CAGE1: variants seen among roughly 807,000 people sequenced by gnomAD.
The protein encoded by CAGE1 is cancer antigen 1.
CAGE1 carries 66 observed loss-of-function variants against 94.9 expected under a neutral mutation model. The observed-to-expected ratio is 0.70, with a 90% confidence interval of 0.57 to 0.85. CAGE1 has a LOEUF of 0.85. Ranked by LOEUF, CAGE1 falls within the 40% of genes least tolerant of loss-of-function variation. The pLI, the probability that CAGE1 is intolerant of heterozygous loss-of-function variation, is 0.00. For synonymous variants in CAGE1, 319 were observed against 321.0 expected, an observed-to-expected ratio of 0.99 and a Z score of 0.07; for missense variants, 865 against 950.4, an observed-to-expected ratio of 0.91 and a Z score of 1.18.
At chr6:7,384,362 T>TAA (rs1761042282) in intron 3 of CAGE1, among the ~76,000 whole-genome samples, 1 of 152,260 alleles carries the variant, frequency 6.6e-6, no homozygotes. Context: ...CTGCATGTAT[T>TAA]AAATTCCATA....
intron 11 of CAGE1, among the ~76,000 whole-genome samples, chr6:7,337,025 T>G (rs28770905): frequency 0.011 from 1,724 of 152,204 alleles, 29 homozygotes; most frequent in African/African-American, 0.039. Flanking sequence ...AACAGTGTCT[T>G]CAGAGAGCAG....
chr6:7,339,233 C>A lies in CAGE1; in HGVS notation c.2370-5143G>T. ...CATAGCAGGCCCTCCGCACAGCAAG[C>A]CCTCCTAGGAGTTTGTAAGGCAGAG... is the stretch of plus-strand genomic sequence containing the variant. On this transcript the variant is annotated intron_variant, in intron 11 of 13. Coordinates refer to ENST00000502583, the MANE Select transcript of CAGE1 (RefSeq NM_001170692.2). This position sits in a 1 kb window ranked among gnomAD's most constrained non-coding sequence, Gnocchi z 4.7. 6.3e-7 allele frequency: 1 copy of A among 1,577,946 alleles called. No individual in the cohort carries two copies. Among genetic ancestry groups the A allele is most frequent in the Non-Finnish European group, 8.7e-7 (1 of 1,148,544 alleles).
chr6:7,386,168 T>C lies in CAGE1; in HGVS notation c.196-296A>G, dbSNP rs556428065. ...GGATACGTGATAGCATATTTATGTA[T>C]TGATAATTATTTGATGTTTATTAAA... On this transcript the variant is annotated intron_variant, in intron 2 of 13. Coordinates refer to ENST00000502583, the MANE Select transcript of CAGE1 (RefSeq NM_001170692.2). 6.6e-5 allele frequency among the ~76,000 whole-genome samples: 10 copies of C among 152,116 alleles called. No homozygotes were observed. In the East Asian group the frequency reaches 1.5e-3, roughly 23 times the overall value.
rs577811411 is a variant in CAGE1, at chr6:7,373,915, C to T, written c.904G>A (p.Asp302Asn). Residue 302 changes from aspartate to asparagine, a missense_variant, in exon 5 of 14, where the codon GAC (aspartate) becomes AAC (asparagine). Coordinates refer to ENST00000502583, the MANE Select transcript of CAGE1 (RefSeq NM_001170692.2). ...SAESLQPVQE[D>N]MALNEVLQKL... The stretch of plus-strand genomic sequence containing the variant: ...TGCAAGACTTCATTTAAAGCCATGT[C>T]CTCTTGAACAGGTTGTAAGCTTTCA... The T allele has an allele frequency of 5.6e-6, 9 of 1,613,976 alleles. No homozygotes were observed. In the African/African-American group the frequency reaches 1.1e-4, roughly 19 times the overall value.
intron 11 of CAGE1, among the ~76,000 whole-genome samples, chr6:7,345,088 C>T (rs9767781): frequency 0.048 from 7,295 of 151,932 alleles, 297 homozygotes; most frequent in African/African-American, 0.11. Context: ...TTTCACCCTG[C>T]AGTAAATCTT....
Position 7,347,719 on chromosome 6 carries a change from C to T in CAGE1, c.2369+7322G>A, listed in dbSNP as rs539918320. Among the ~76,000 whole-genome samples the T allele has an allele frequency of 2.0e-3, 305 of 152,224 alleles. 3 individuals carry two copies. The Middle Eastern group carries it at 0.044, about 22-fold the overall frequency. On this transcript the variant is annotated intron_variant, in intron 11 of 13. Coordinates refer to ENST00000502583, the MANE Select transcript of CAGE1 (RefSeq NM_001170692.2). ...TGCTCACCCACTGCCTGGAAACAGA[C>T]TGTAAAAGGGGGCATGGTGAGAGTG...
At chr6:7,327,812 C>G (rs2113330275) in intron 13 of CAGE1, among the ~76,000 whole-genome samples, 1 of 152,112 alleles carries the variant, frequency 6.6e-6, no homozygotes, top group South Asian at 2.1e-4. Flanking sequence ...TGCCTGTAAC[C>G]CCAGCTACTC....
chr6:7,379,001 G>A lies in CAGE1; in HGVS notation c.303C>T (p.Tyr101=). ...CTGGCTGAATTAGTGCATTCGTTGA[G>A]TAATTTTCAATGTTGTTATCTCATA... The part of the protein sequence containing the change: ...NLLNDNNIEN[Y]STNALIQPVD... The change falls in exon 4 of 14, where the codon TAC becomes TAT. Residue 101 remains tyrosine, a synonymous_variant. Transcript: ENST00000502583. 2 of 1,527,586 alleles carry A rather than the reference G, an allele frequency of 1.3e-6. No individual in the cohort carries two copies. Among genetic ancestry groups the A allele is most frequent in the Non-Finnish European group, 8.8e-7 (1 of 1,137,876 alleles). The allele number at this position is 1,527,586 out of a possible 1,614,324, so 94.6% of individuals were successfully genotyped here.
intron 7 of CAGE1, among the ~76,000 whole-genome samples, chr6:7,367,242 A>G (rs963306508): frequency 2.0e-5 from 3 of 150,544 alleles, no homozygotes; most frequent in African/African-American, 4.9e-5. Flanking sequence ...AAAATTAACC[A>G]AAAGAACATA....
chr6:7,375,563 C>T (rs918902046), intron 4 of CAGE1, among the ~76,000 whole-genome samples: 1 of 151,932 alleles, frequency 6.6e-6, no homozygotes, highest in African/African-American at 2.4e-5. Context: ...ACAGTGATAC[C>T]CTATCTCTTC....
rs745419866 is a variant in CAGE1, at chr6:7,370,010, C to T, written c.1802G>A (p.Arg601Lys). The T allele has an allele frequency of 9.9e-6, 16 of 1,613,594 alleles. No individual in the cohort carries two copies. In the Admixed American group the frequency reaches 2.7e-4, roughly 27 times the overall value. The change falls in exon 6 of 14, where the codon AGG becomes AAG. Residue 601 changes from arginine (R) to lysine (K), a missense_variant. By Grantham distance (26) the Arg-to-Lys change is conservative. Transcript: ENST00000502583. Reference protein sequence around the residue: ...LLPDCSPCEERLNPADIKRAS... With the variant: ...LLPDCSPCEEKLNPADIKRAS... Reference sequence around the variant, plus strand: ...TCTTTTTATATCTGCAGGATTCAGCCTCTCTTCACAAGGTGAGCAATCCGG... The same window carrying T: ...TCTTTTTATATCTGCAGGATTCAGCTTCTCTTCACAAGGTGAGCAATCCGG...
intron 11 of CAGE1, among the ~76,000 whole-genome samples, chr6:7,353,858 C>T (rs1220660550): frequency 3.3e-5 from 5 of 151,930 alleles, no homozygotes; most frequent in South Asian, 2.1e-4. Flanking sequence ...AACCAAACAT[C>T]GTATGTTCTC....
At chr6:7,348,920 C>T (rs147471854) in intron 11 of CAGE1, among the ~76,000 whole-genome samples, 42 of 152,210 alleles carry the variant, frequency 2.8e-4, no homozygotes, top group African/African-American at 9.6e-4. Flanking sequence ...ATATGTTAAA[C>T]GACCAAACCT....
At chr6:7,381,683 C>T (rs981008281) in intron 3 of CAGE1, among the ~76,000 whole-genome samples, 2 of 151,642 alleles carry the variant, frequency 1.3e-5, no homozygotes, top group Non-Finnish European at 2.9e-5. Context: ...CGTGCACCAC[C>T]ATGCCCGCCT....
chr6:7,356,483 A>G (rs1233679803), intron 9 of CAGE1, among the ~76,000 whole-genome samples: 1 of 152,230 alleles, frequency 6.6e-6, no homozygotes, highest in Non-Finnish European at 1.5e-5. Flanking sequence ...TATGAAGTAA[A>G]GCACTGATTT....
At chr6:7,345,696 G>A (rs746702129) in intron 11 of CAGE1, among the ~76,000 whole-genome samples, 2 of 152,130 alleles carry the variant, frequency 1.3e-5, no homozygotes, top group African/African-American at 4.8e-5. Flanking sequence ...GGGAGGCTGA[G>A]GCGGGCAGAT....
chr6:7,352,231 T>C (rs1379222880), intron 11 of CAGE1, among the ~76,000 whole-genome samples: 2 of 136,758 alleles, frequency 1.5e-5, no homozygotes, highest in African/African-American at 5.5e-5. Flanking sequence ...CTCTTCTATA[T>C]ACCAACAGCG....
chr6:7,328,089 G>A lies in CAGE1; in HGVS notation c.2479-1190C>T, dbSNP rs534475430. Among the ~76,000 whole-genome samples the A allele has an allele frequency of 3.3e-5, 5 of 152,184 alleles. No homozygotes were observed. The East Asian group carries it at 7.7e-4, about 23-fold the overall frequency. ...CAAAGCTATGTTACAAATAGGCCAC[G>A]GCATTTATGAACATACCCATGTCCT... On this transcript the variant is annotated intron_variant, in intron 13 of 13. Transcript: ENST00000502583.
chr6:7,331,376 C>G, intron 12 of CAGE1: 1 of 992,028 alleles, frequency 1.0e-6, no homozygotes, highest in Middle Eastern at 2.2e-4. Flanking sequence ...CATATGAGAA[C>G]AGCTGCTACT....
Sources: allele counts gnomAD v4.1 joint callset (sites outside exome capture counted in the v4.1 genomes callset), GRCh38; gene constraint gnomAD v4.1.1; non-coding constraint Gnocchi (gnomAD v3.1); transcripts MANE v1.5; gene names NCBI Gene and HGNC (gene_info 2026-07-23, HGNC 2026-07-21).